The following WDR59 variants were observed in gnomAD, a reference collection of about 807,000 sequenced individuals.
The protein encoded by WDR59 is WD repeat domain 59.
In WDR59, 100 loss-of-function variants were observed where a neutral mutation model predicts 131.2. That is an observed-to-expected ratio of 0.76 (90% CI 0.65 to 0.90). The LOEUF is 0.90. Ranked by LOEUF, WDR59 falls within the 40% of genes least tolerant of loss-of-function variation. The pLI is 0.00. For synonymous variants in WDR59, 601 were observed against 466.2 expected (o/e 1.29, Z -3.72); for missense variants, 1,203 against 1,262.2 (o/e 0.95, Z 0.71).
chr16:74,890,622 T>C (rs561373661), intron 20 of WDR59, among the ~76,000 whole-genome samples: 1 of 152,242 alleles, frequency 6.6e-6, no homozygotes, highest in Non-Finnish European at 1.5e-5. Flanking sequence ...AAAGTAACAA[T>C]AATAACAATA....
intron 4 of WDR59, among the ~76,000 whole-genome samples, chr16:74,950,537 A>G (rs1404170636): frequency 6.6e-6 from 1 of 152,116 alleles, no homozygotes; most frequent in Non-Finnish European, 1.5e-5. Context: ...TCCCCTACCC[A>G]TGTTCTCCTT....
chr16:74,912,236 T>C lies in WDR59; in HGVS notation c.1351A>G (p.Thr451Ala). The change falls in exon 14 of 26, where the codon ACA (threonine) becomes GCA (alanine). Residue 451 changes from threonine (T) to alanine (A), a missense_variant. Thr to Ala is a moderately conservative substitution (Grantham distance 58). Coordinates refer to ENST00000262144, the MANE Select transcript of WDR59 (RefSeq NM_030581.4). ...AAPSFQFINP[T>A]TITSTMKAKL... ...GCTTTCATGGTGGATGTGATGGTTG[T>C]GGGGTTAATAAACTGGAAGGAAGGG... The C allele has an allele frequency of 6.2e-7, 1 of 1,614,110 alleles. No homozygotes were observed. The highest frequency in any genetic ancestry group is 1.7e-5 in the Admixed American group (1 of 60,014).
At chr16:74,906,818 G>C (rs1965842445) in intron 17 of WDR59, among the ~76,000 whole-genome samples, 1 of 152,226 alleles carries the variant, frequency 6.6e-6, no homozygotes, top group South Asian at 2.1e-4. Context: ...AGTCAAGAGA[G>C]TGGTGTCCTC....
intron 18 of WDR59, among the ~76,000 whole-genome samples, chr16:74,897,919 A>T (rs1021657841): frequency 6.6e-6 from 1 of 152,182 alleles, no homozygotes; most frequent in South Asian, 2.1e-4. Flanking sequence ...TGGGGATTCT[A>T]ATTTAACGAG....
In WDR59 at chr16:74,871,612, A is replaced by G. The variant is rs562674651; in HGVS notation, c.*2597T>C. 2 of 152,328 alleles carry G rather than the reference A, an allele frequency of 1.3e-5. No homozygotes were observed. The highest frequency in any genetic ancestry group is 3.9e-4 in the East Asian group (2 of 5,192). The allele number at this position is 152,328 out of a possible 1,614,324, so 9.4% of individuals were successfully genotyped here. A position where few individuals can be genotyped will look rare whatever the true frequency, so the allele number is the denominator to read the frequency against. ...TTCCTCCAACAATAAAACAAGAAAA[A>G]CATCTCATTCTTGATGGGGACAGAT... On this transcript the variant is annotated 3_prime_UTR_variant, in exon 26 of 26. Coordinates refer to ENST00000262144, the MANE Select transcript of WDR59 (RefSeq NM_030581.4).
Position 74,942,692 on chromosome 16 carries a change from T to A in WDR59, c.534+46A>T, listed in dbSNP as rs1469886781. 3 of 1,581,918 alleles carry A rather than the reference T, an allele frequency of 1.9e-6. No individual in the cohort carries two copies. The South Asian group carries it at 3.3e-5, about 18-fold the overall frequency. On this transcript the variant is annotated intron_variant, in intron 7 of 25. Transcript: ENST00000262144. ...CTCATAAAATCATCTTCACACCCTC[T>A]GGGAGGGATCAAAGACCAATAAGGG... is the stretch of plus-strand genomic sequence containing the variant.
intron 1 of WDR59, among the ~76,000 whole-genome samples, chr16:74,967,796 T>G (rs1435143511): frequency 1.3e-5 from 2 of 149,694 alleles, no homozygotes; most frequent in Non-Finnish European, 3.0e-5. Flanking sequence ...GAAGCAGAGG[T>G]TGCAGTGAGC....
chr16:74,979,557 T>C (rs1418810513), intron 1 of WDR59, among the ~76,000 whole-genome samples: 1 of 151,702 alleles, frequency 6.6e-6, no homozygotes, highest in African/African-American at 2.4e-5. Context: ...TTTGTTTTTT[T>C]CAGATGGAGT....
At chr16:74,941,422 G>A (rs1163980915) in intron 7 of WDR59, among the ~76,000 whole-genome samples, 1 of 150,238 alleles carries the variant, frequency 6.7e-6, no homozygotes, top group African/African-American at 2.4e-5. Context: ...GGCCAGGCGT[G>A]GTGGCTCACG....
chr16:74,968,870 C>T (rs1382380651), intron 1 of WDR59, among the ~76,000 whole-genome samples: 1 of 152,148 alleles, frequency 6.6e-6, no homozygotes, highest in Non-Finnish European at 1.5e-5. Context: ...AAACAGGTTA[C>T]CACCATGTTT....
intron 19 of WDR59, 124 bp downstream of exon 19, chr16:74,893,555 G>A: frequency 9.8e-7 from 1 of 1,023,220 alleles, no homozygotes. Flanking sequence ...GCAACAGAAA[G>A]CTAATACATT....
chr16:74,948,593 A>G, intron 5 of WDR59, 37 bp from the exon 6 acceptor site: 3 of 1,527,372 alleles, frequency 2.0e-6, no homozygotes, highest in Non-Finnish European at 2.7e-6. Context: ...TCCCCAATTT[A>G]TATGCCACCA....
At chr16:74,947,220 G>T (rs548341866) in intron 6 of WDR59, among the ~76,000 whole-genome samples, 1 of 152,042 alleles carries the variant, frequency 6.6e-6, no homozygotes, top group Non-Finnish European at 1.5e-5. Context: ...AGGCCAAGTC[G>T]GGTGGATCAC....
At chr16:74,929,357 G>C (rs1465727691) in intron 8 of WDR59, among the ~76,000 whole-genome samples, 3 of 152,160 alleles carry the variant, frequency 2.0e-5, no homozygotes, top group African/African-American at 7.2e-5. Flanking sequence ...TTATAGGCGT[G>C]AGCCACTGCG....
At chr16:74,886,071 A>T in intron 24 of WDR59, 199 bp downstream of exon 24, 1 of 718,198 alleles carries the variant, frequency 1.4e-6, no homozygotes, top group Non-Finnish European at 2.2e-6. Flanking sequence ...CCAGCTACTC[A>T]GGAGGCTGAG....
intron 17 of WDR59, among the ~76,000 whole-genome samples, chr16:74,908,357 C>T (rs1422212907): frequency 6.6e-6 from 1 of 152,124 alleles, no homozygotes; most frequent in Non-Finnish European, 1.5e-5. Flanking sequence ...GCAGAGGCTG[C>T]TGTAAGCTAT....
At chr16:74,969,058 C>T (rs1001830040) in intron 1 of WDR59, among the ~76,000 whole-genome samples, 5 of 152,128 alleles carry the variant, frequency 3.3e-5, no homozygotes, top group South Asian at 2.1e-4. Flanking sequence ...GAATTCTAGA[C>T]GTGGGTTAAG....
chr16:74,902,098 G>C (rs1408581735), intron 18 of WDR59, among the ~76,000 whole-genome samples: 3 of 152,136 alleles, frequency 2.0e-5, no homozygotes, highest in African/African-American at 4.8e-5. Context: ...TCTATTTCTT[G>C]ACCTGTGTGA....
chr16:74,879,203 T>A (rs1022716553), intron 25 of WDR59, among the ~76,000 whole-genome samples: 2 of 152,172 alleles, frequency 1.3e-5, no homozygotes, highest in African/African-American at 2.4e-5. Flanking sequence ...AACATTTTTT[T>A]AAAAATTAGC....
Sources: allele counts gnomAD v4.1 joint callset (sites outside exome capture counted in the v4.1 genomes callset), GRCh38; gene constraint gnomAD v4.1.1; transcripts MANE v1.5; gene names NCBI Gene and HGNC (gene_info 2026-07-23, HGNC 2026-07-21).